Variants in BHLHA15 observed in about 807,000 individuals in gnomAD.
The protein encoded by BHLHA15 is class A basic helix-loop-helix protein 15.
Under a neutral mutation model 10.4 loss-of-function variants are expected in BHLHA15, and 7 were observed. That is an observed-to-expected ratio of 0.67 (90% CI 0.38 to 1.26). The LOEUF is 1.26. Among genes scored for constraint, BHLHA15 ranks in the 50% most tolerant of loss-of-function variants. The probability of loss-of-function intolerance (pLI) is 0.02; values close to 1 mark genes in which losing one functional copy is unlikely to be tolerated. For missense variants in BHLHA15, 289 were observed against 287.4 expected (o/e 1.01, Z -0.04); for synonymous variants, 140 against 131.5 (o/e 1.06, Z -0.44).
In BHLHA15 at chr7:98,212,345, C is replaced by T. The variant is rs1298777515; in HGVS notation, c.36C>T (p.Ala12=). ...AGAACCGGCCCCCACGGCGCCGGGC[C>T]CCGGTGCAGGACACAGAGGCCACCC... ...KTKNRPPRRR[A]PVQDTEATPG... Residue 12 remains alanine, a synonymous_variant, in exon 2 of 2, where the codon GCC becomes GCT. Coordinates refer to ENST00000609256, the MANE Select transcript of BHLHA15 (RefSeq NM_177455.4). 2.3e-5 allele frequency: 32 copies of T among 1,385,744 alleles called. No individual in the cohort carries two copies. The highest frequency in any genetic ancestry group is 3.0e-5 in the Non-Finnish European group (32 of 1,069,416). 85.8% of individuals were successfully genotyped at this position (1,385,744 alleles called of 1,614,324 possible). A position where few individuals can be genotyped will look rare whatever the true frequency, so the allele number is the denominator to read the frequency against.
At position 98,212,264 on chromosome 7, in the gene BHLHA15, G is replaced by T; in HGVS notation, c.-46G>T. The T allele has an allele frequency of 7.6e-7, 1 of 1,314,538 alleles. No individual in the cohort carries two copies. Among genetic ancestry groups the T allele is most frequent in the Non-Finnish European group, 9.7e-7 (1 of 1,027,110 alleles). 81.4% of individuals were successfully genotyped at this position (1,314,538 alleles called of 1,614,324 possible). ...TGTGTTCTGGATTTCAGCTCCAAGGGCCTCACCTTCCTGCCGCCACCTCCT... is the reference window on the plus strand; with the variant it reads ...TGTGTTCTGGATTTCAGCTCCAAGGTCCTCACCTTCCTGCCGCCACCTCCT... On this transcript the variant is annotated 5_prime_UTR_variant, in exon 2 of 2. Coordinates refer to ENST00000609256, the MANE Select transcript of BHLHA15 (RefSeq NM_177455.4).
Position 98,212,822 on chromosome 7 carries a change from C to T in BHLHA15, c.513C>T (p.Pro171=). 2 of 1,550,560 alleles carry T rather than the reference C, an allele frequency of 1.3e-6. No individual in the cohort carries two copies. The highest frequency in any genetic ancestry group is 1.7e-6 in the Non-Finnish European group (2 of 1,150,604). Residue 171 remains proline (P), a synonymous_variant, in exon 2 of 2, where the codon CCC becomes CCT. Transcript: ENST00000609256. ...CGTTGGGGGCCACGGAGGCCCAGCCCCAGGGCCACCTGCAGAGGTACTCCA... is the reference window on the plus strand; with the variant it reads ...CGTTGGGGGCCACGGAGGCCCAGCCTCAGGGCCACCTGCAGAGGTACTCCA... ...GGALGATEAQ[P]QGHLQRYSTQ...
chr7:98,211,822 T>C (rs1456652095), intron 1 of BHLHA15, among the ~76,000 whole-genome samples: 2 of 152,126 alleles, frequency 1.3e-5, no homozygotes, highest in Non-Finnish European at 2.9e-5. Flanking sequence ...AGTGAGAGCC[T>C]GGTGGCTGGA....
Position 98,215,068 on chromosome 7 carries a change from A to G in BHLHA15, c.*2189A>G, listed in dbSNP as rs1293613313. 1 of 152,224 alleles carries G rather than the reference A, an allele frequency of 6.6e-6. No individual in the cohort carries two copies. 9.4% of individuals were successfully genotyped at this position (152,224 alleles called of 1,614,324 possible). A position where few individuals can be genotyped will look rare whatever the true frequency, so the allele number is the denominator to read the frequency against. ...GGCCGGATCCTTTTATCCCGTGGGG[A>G]GCCCCTGCCTCGGCCATCGGGATGA... On this transcript the variant is annotated 3_prime_UTR_variant, in exon 2 of 2. Coordinates refer to ENST00000609256, the MANE Select transcript of BHLHA15 (RefSeq NM_177455.4).
At chr7:98,212,140 A>G (rs1052070257) in intron 1 of BHLHA15, 116 bp from the exon 2 acceptor site, 2 of 552,972 alleles carry the variant, frequency 3.6e-6, no homozygotes, top group African/African-American at 2.0e-5. Flanking sequence ...CAGAGCGCCA[A>G]CCCCTGCCCC....
At position 98,211,446 on chromosome 7, in the gene BHLHA15, C is replaced by T. The variant is rs1797903221; in HGVS notation, c.-107C>T. ...GCCCCTCCCGGGGCGGCTAAAGCGA[C>T]GTGTCCTTGTCCCCCGTGGGCAGCC... On this transcript the variant is annotated 5_prime_UTR_variant, in exon 1 of 2. The change creates a new upstream start codon in the 5' untranslated region. Coordinates refer to ENST00000609256, the MANE Select transcript of BHLHA15 (RefSeq NM_177455.4). The T allele has an allele frequency of 6.6e-6, 1 of 152,188 alleles. No individual in the cohort carries two copies. Among genetic ancestry groups the T allele is most frequent in the South Asian group, 2.0e-4 (1 of 5,018 alleles). The allele number at this position is 152,188 out of a possible 1,614,324, so 9.4% of individuals were successfully genotyped here.
In BHLHA15 at chr7:98,213,108, G is replaced by T. The variant is rs961058212; in HGVS notation, c.*229G>T. 17 of 524,712 alleles carry T rather than the reference G, an allele frequency of 3.2e-5. No individual in the cohort carries two copies. In the African/African-American group the frequency reaches 3.4e-4, roughly 10 times the overall value. 32.5% of individuals were successfully genotyped at this position (524,712 alleles called of 1,614,324 possible). A position where few individuals can be genotyped will look rare whatever the true frequency, so the allele number is the denominator to read the frequency against. On this transcript the variant is annotated 3_prime_UTR_variant, in exon 2 of 2. Coordinates refer to ENST00000609256, the MANE Select transcript of BHLHA15 (RefSeq NM_177455.4). ...TGCGGCTGTGGCCCTGGACAGCGGC[G>T]TGAGGCCCAAACCTCTAGGTAGGGC...
chr7:98,212,370 C>G lies in BHLHA15; in HGVS notation c.61C>G (p.Pro21Ala). 2 of 1,433,832 alleles carry G rather than the reference C, an allele frequency of 1.4e-6. No homozygotes were observed. Among genetic ancestry groups the G allele is most frequent in the Non-Finnish European group, 1.8e-6 (2 of 1,095,858 alleles). The allele number at this position is 1,433,832 out of a possible 1,614,324, so 88.8% of individuals were successfully genotyped here. The change falls in exon 2 of 2, where the codon CCC becomes GCC. Residue 21 changes from proline (P) to alanine (A), a missense_variant. Coordinates refer to ENST00000609256, the MANE Select transcript of BHLHA15 (RefSeq NM_177455.4). ...RAPVQDTEAT[P>A]GEGTPDGSLP... is the part of the protein sequence containing the mutation. Reference sequence around the variant, plus strand: ...CCCGGTGCAGGACACAGAGGCCACCCCCGGGGAGGGGACGCCCGACGGGTC... The same window carrying G: ...CCCGGTGCAGGACACAGAGGCCACCGCCGGGGAGGGGACGCCCGACGGGTC...
rs1338917937 is a variant in BHLHA15, at chr7:98,212,407, C to T, written c.98C>T (p.Pro33Leu). The T allele has an allele frequency of 1.1e-5, 16 of 1,487,006 alleles. No individual in the cohort carries two copies. The highest frequency in any genetic ancestry group is 2.5e-5 in the Admixed American group (1 of 40,160). The allele number at this position is 1,487,006 out of a possible 1,614,324, so 92.1% of individuals were successfully genotyped here. Residue 33 changes from proline (P) to leucine (L), a missense_variant, in exon 2 of 2, where the codon CCG becomes CTG. Transcript: ENST00000609256. ...ACGCCCGACGGGTCCCTGCCGAACC[C>T]GGGGCCAGAGCCGGCCAAGGGTCTG... ...EGTPDGSLPN[P>L]GPEPAKGLRS...
rs1797942132 is a variant in BHLHA15, at chr7:98,213,667, C to T, written c.*788C>T. On this transcript the variant is annotated 3_prime_UTR_variant, in exon 2 of 2. Coordinates refer to ENST00000609256, the MANE Select transcript of BHLHA15 (RefSeq NM_177455.4). ...CCCTTCTGGGCATGGGAGAGAAGCC[C>T]CAAGGCCCTGGGTTGCTCCCCAAGA... 6.6e-6 allele frequency among the ~76,000 whole-genome samples: 1 copy of T among 152,192 alleles called. No homozygotes were observed. The highest frequency in any genetic ancestry group is 6.5e-5 in the Admixed American group (1 of 15,280).
chr7:98,212,400 C>T lies in BHLHA15; in HGVS notation c.91C>T (p.Pro31Ser). 2 of 1,481,576 alleles carry T rather than the reference C, an allele frequency of 1.3e-6. No individual in the cohort carries two copies. The highest frequency in any genetic ancestry group is 2.6e-5 in the Admixed American group (1 of 39,072). 91.8% of individuals were successfully genotyped at this position (1,481,576 alleles called of 1,614,324 possible). A position where few individuals can be genotyped will look rare whatever the true frequency, so the allele number is the denominator to read the frequency against. ...GGAGGGGACGCCCGACGGGTCCCTGCCGAACCCGGGGCCAGAGCCGGCCAA... is the reference window on the plus strand; with the variant it reads ...GGAGGGGACGCCCGACGGGTCCCTGTCGAACCCGGGGCCAGAGCCGGCCAA... ...PGEGTPDGSL[P>S]NPGPEPAKGL... The change falls in exon 2 of 2, where the codon CCG becomes TCG. Residue 31 changes from proline (P) to serine (S), a missense_variant. Physicochemically the swap from Pro to Ser is moderately conservative, Grantham distance 74. Transcript: ENST00000609256.
chr7:98,213,711 G>C lies in BHLHA15; in HGVS notation c.*832G>C, dbSNP rs1797942503. On this transcript the variant is annotated 3_prime_UTR_variant, in exon 2 of 2. Transcript: ENST00000609256. The stretch of plus-strand genomic sequence containing the variant: ...CCCAAGAGCAGCTCTGAGGCCTCCT[G>C]CTCAGCCCTGGCCTGTGTGGGGAGC... 6.6e-6 allele frequency among the ~76,000 whole-genome samples: 1 copy of C among 152,200 alleles called. No individual in the cohort carries two copies. The highest frequency in any genetic ancestry group is 1.5e-5 in the Non-Finnish European group (1 of 68,028).
chr7:98,212,216 TGTGGGGTGACCACAGA>T (rs1314418101), intron 1 of BHLHA15, 24 bp from the exon 2 acceptor site: 1 of 1,191,962 alleles, frequency 8.4e-7, no homozygotes, highest in Non-Finnish European at 1.1e-6. Flanking sequence ...CCCCTGCCCA[TGTGGGGTGACCACAGA>T]GTGTCCTGTG....
chr7:98,212,413 C>T lies in BHLHA15; in HGVS notation c.104C>T (p.Pro35Leu). The change falls in exon 2 of 2, where the codon CCA becomes CTA. Residue 35 changes from proline to leucine, a missense_variant. Transcript: ENST00000609256. ...TPDGSLPNPG[P>L]EPAKGLRSRP... ...GACGGGTCCCTGCCGAACCCGGGGC[C>T]AGAGCCGGCCAAGGGTCTGCGGAGC... 1 of 1,492,252 alleles carries T rather than the reference C, an allele frequency of 6.7e-7. No individual in the cohort carries two copies. Among genetic ancestry groups the T allele is most frequent in the Non-Finnish European group, 8.9e-7 (1 of 1,122,432 alleles). The allele number at this position is 1,492,252 out of a possible 1,614,324, so 92.4% of individuals were successfully genotyped here.
At position 98,212,391 on chromosome 7, in the gene BHLHA15, G is replaced by A. The variant is rs1251669455; in HGVS notation, c.82G>A (p.Gly28Arg). The change falls in exon 2 of 2, where the codon GGG becomes AGG. Residue 28 changes from glycine to arginine, a missense_variant. Physicochemically the swap from Gly to Arg is moderately radical, Grantham distance 125. Transcript: ENST00000609256. ...EATPGEGTPDGSLPNPGPEPA... is the reference protein window; with the variant it reads ...EATPGEGTPDRSLPNPGPEPA... ...CACCCCCGGGGAGGGGACGCCCGAC[G>A]GGTCCCTGCCGAACCCGGGGCCAGA... is the stretch of plus-strand genomic sequence containing the variant. The A allele has an allele frequency of 6.8e-7, 1 of 1,463,944 alleles. No individual in the cohort carries two copies. The highest frequency in any genetic ancestry group is 9.0e-7 in the Non-Finnish European group (1 of 1,109,498). The allele number at this position is 1,463,944 out of a possible 1,614,324, so 90.7% of individuals were successfully genotyped here. A position where few individuals can be genotyped will look rare whatever the true frequency, so the allele number is the denominator to read the frequency against.
At position 98,213,086 on chromosome 7, in the gene BHLHA15, G is replaced by A. The variant is rs189509471; in HGVS notation, c.*207G>A. On this transcript the variant is annotated 3_prime_UTR_variant, in exon 2 of 2. Coordinates refer to ENST00000609256, the MANE Select transcript of BHLHA15 (RefSeq NM_177455.4). Reference sequence around the variant, plus strand: ...GGGGACCAGCGAGTGGCCTAGTTGCGGCTGTGGCCCTGGACAGCGGCGTGA... The same window carrying A: ...GGGGACCAGCGAGTGGCCTAGTTGCAGCTGTGGCCCTGGACAGCGGCGTGA... 519 of 566,642 alleles carry A rather than the reference G, an allele frequency of 9.2e-4. No homozygotes were observed. Among genetic ancestry groups the A allele is most frequent in the Admixed American group, 1.5e-3 (40 of 26,988 alleles). The allele number at this position is 566,642 out of a possible 1,614,324, so 35.1% of individuals were successfully genotyped here. A position where few individuals can be genotyped will look rare whatever the true frequency, so the allele number is the denominator to read the frequency against.
Position 98,212,340 on chromosome 7 carries a change from C to T in BHLHA15, c.31C>T (p.Arg11Trp), listed in dbSNP as rs188218811. Residue 11 changes from arginine (R) to tryptophan (W), a missense_variant, in exon 2 of 2, where the codon CGG (arginine) becomes TGG (tryptophan). Coordinates refer to ENST00000609256, the MANE Select transcript of BHLHA15 (RefSeq NM_177455.4). ...GACCAAGAACCGGCCCCCACGGCGCCGGGCCCCGGTGCAGGACACAGAGGC... is the reference window on the plus strand; with the variant it reads ...GACCAAGAACCGGCCCCCACGGCGCTGGGCCCCGGTGCAGGACACAGAGGC... MKTKNRPPRR[R>W]APVQDTEATP... The T allele has an allele frequency of 1.1e-5, 15 of 1,380,440 alleles. No homozygotes were observed. Among genetic ancestry groups the T allele is most frequent in the South Asian group, 7.2e-5 (4 of 55,902 alleles). 85.5% of individuals were successfully genotyped at this position (1,380,440 alleles called of 1,614,324 possible).
At position 98,214,342 on chromosome 7, in the gene BHLHA15, C is replaced by T. The variant is rs974933653; in HGVS notation, c.*1463C>T. On this transcript the variant is annotated 3_prime_UTR_variant, in exon 2 of 2. Transcript: ENST00000609256. ...CATTTCGATGAGACTTTGTCAGAGGCCTGGTCTGGTCCTGGCCCTACCGCC... is the reference window on the plus strand; with the variant it reads ...CATTTCGATGAGACTTTGTCAGAGGTCTGGTCTGGTCCTGGCCCTACCGCC... 6.6e-6 allele frequency among the ~76,000 whole-genome samples: 1 copy of T among 152,260 alleles called. No homozygotes were observed. The highest frequency in any genetic ancestry group is 2.4e-5 in the African/African-American group (1 of 41,476).
In BHLHA15 at chr7:98,212,898, G is replaced by C; in HGVS notation, c.*19G>C. On this transcript the variant is annotated 3_prime_UTR_variant, in exon 2 of 2. Transcript: ENST00000609256. ...CACCTAGCGCCCAGTCCTGGGTGGGGGTGGCGGTGGCCGCAGCTGCCTGGC... is the reference window on the plus strand; with the variant it reads ...CACCTAGCGCCCAGTCCTGGGTGGGCGTGGCGGTGGCCGCAGCTGCCTGGC... The C allele has an allele frequency of 6.6e-7, 1 of 1,510,890 alleles. No individual in the cohort carries two copies. The highest frequency in any genetic ancestry group is 8.8e-7 in the Non-Finnish European group (1 of 1,137,220). 93.6% of individuals were successfully genotyped at this position (1,510,890 alleles called of 1,614,324 possible).
Sources: allele counts gnomAD v4.1 joint callset (sites outside exome capture counted in the v4.1 genomes callset), GRCh38; gene constraint gnomAD v4.1.1; transcripts MANE v1.5; gene names NCBI Gene and HGNC (gene_info 2026-07-23, HGNC 2026-07-21).